Variants in ITGA3 observed in about 807,000 individuals in gnomAD.
ITGA3 encodes the protein integrin subunit alpha 3.
ITGA3 carries 70 observed loss-of-function variants against 131.1 expected under a neutral mutation model. That is an observed-to-expected ratio of 0.53 (90% confidence interval 0.44 to 0.65). The LOEUF (loss-of-function observed/expected upper bound fraction) is 0.65. Ranked by LOEUF, ITGA3 falls within the 30% of genes least tolerant of loss-of-function variation. The pLI is 0.00. For synonymous variants in ITGA3, 537 were observed against 571.6 expected (o/e 0.94, Z 0.86); for missense variants, 1,098 against 1,388.6 (o/e 0.79, Z 3.33).
chr17:50,080,461 T>TGGGG lies in ITGA3; in HGVS notation c.2820+89_2820+90insGGGG, dbSNP rs764103810. 4,058 of 573,196 alleles carry TGGGG rather than the reference T, an allele frequency of 7.1e-3. 42 individuals carry two copies. Among genetic ancestry groups the TGGGG allele is most frequent in the South Asian group, 0.026 (1,330 of 50,438 alleles). The allele number at this position is 573,196 out of a possible 1,614,324, so 35.5% of individuals were successfully genotyped here. A position where few individuals can be genotyped will look rare whatever the true frequency, so the allele number is the denominator to read the frequency against. ...AGAGGGCGAGTCCAGGGTCATAGCATGGGTGTGTGTGTGTGTGTGTGTGTG... is the reference window on the plus strand; with the variant it reads ...AGAGGGCGAGTCCAGGGTCATAGCATGGGGGGGTGTGTGTGTGTGTGTGTGTGTG... On this transcript the variant is annotated intron_variant, in intron 22 of 25. Coordinates refer to ENST00000320031, the MANE Select transcript of ITGA3 (RefSeq NM_002204.4).
intron 1 of ITGA3, among the ~76,000 whole-genome samples, chr17:50,058,779 C>T (rs1329971364): frequency 6.6e-6 from 1 of 152,176 alleles, no homozygotes; most frequent in African/African-American, 2.4e-5. Flanking sequence ...CAAACAGCTG[C>T]CTGAGTGCAC....
chr17:50,076,732 T>C (rs746994068), intron 14 of ITGA3, 51 bp downstream of exon 14: 2 of 1,417,890 alleles, frequency 1.4e-6, no homozygotes. Flanking sequence ...GGACGGGGCC[T>C]CATTAACTGG....
At chr17:50,076,793 A>G in intron 14 of ITGA3, 112 bp downstream of exon 14, 1 of 1,205,014 alleles carries the variant, frequency 8.3e-7, no homozygotes, top group Non-Finnish European at 1.2e-6. Flanking sequence ...ACAGGGCTTT[A>G]GCGGGAACAG....
rs756528458 is a variant in ITGA3 at position 50,076,428 on chromosome 17, G to A, written c.1777G>A (p.Ala593Thr). The A allele has an allele frequency of 1.2e-6, 2 of 1,611,248 alleles. No homozygotes were observed. Among genetic ancestry groups the A allele is most frequent in the African/African-American group, 1.3e-5 (1 of 74,920 alleles). The stretch of plus-strand genomic sequence containing the variant: ...CCGGCTGGGGCTGCGGTCCCTGGAC[G>A]CCTACCCGATCCTCAACCAGGCACA... ...RPRLGLRSLD[A>T]YPILNQAQAL... The change falls in exon 13 of 26, where the codon GCC becomes ACC. Residue 593 changes from alanine to threonine, a missense_variant. Physicochemically the swap from Ala to Thr is moderately conservative, Grantham distance 58. Around this residue, in one of 3 missense-constraint regions of ITGA3, gnomAD observed 699 missense variants for 829.2 expected, o/e 0.84. Coordinates refer to ENST00000320031, the MANE Select transcript of ITGA3 (RefSeq NM_002204.4).
chr17:50,079,361 A>T (rs1598193974), intron 20 of ITGA3, 74 bp from the exon 21 acceptor site: 1 of 1,552,264 alleles, frequency 6.4e-7, no homozygotes, highest in Non-Finnish European at 8.7e-7. Flanking sequence ...TGTCTCTCCT[A>T]CCCTTTCCTT....
At position 50,056,676 on chromosome 17, in the gene ITGA3, G is replaced by A. The variant is rs759211080; in HGVS notation, c.206+31G>A. On this transcript the variant is annotated intron_variant, in intron 1 of 25. Coordinates refer to ENST00000320031, the MANE Select transcript of ITGA3 (RefSeq NM_002204.4). The surrounding 1 kb of genome is among the most constrained non-coding windows in gnomAD (Gnocchi z 5.6). ...TGAAGCTGGAGGGTGTGGGGTGGGAGCGAGAGAGTGTGCGAGCGCGGGATG... is the reference window on the plus strand; with the variant it reads ...TGAAGCTGGAGGGTGTGGGGTGGGAACGAGAGAGTGTGCGAGCGCGGGATG... 2.2e-5 allele frequency: 35 copies of A among 1,573,134 alleles called. No homozygotes were observed. The highest frequency in any genetic ancestry group is 2.8e-5 in the Non-Finnish European group (32 of 1,158,538).
chr17:50,090,198 C>G lies in ITGA3; in HGVS notation c.*1120C>G. 6 of 456,130 alleles carry G rather than the reference C, an allele frequency of 1.3e-5. No homozygotes were observed. Among genetic ancestry groups the G allele is most frequent in the South Asian group, 9.3e-5 (6 of 64,532 alleles). The allele number at this position is 456,130 out of a possible 1,614,324, so 28.3% of individuals were successfully genotyped here. A position where few individuals can be genotyped will look rare whatever the true frequency, so the allele number is the denominator to read the frequency against. On this transcript the variant is annotated 3_prime_UTR_variant, in exon 26 of 26. Transcript: ENST00000320031. ...TGCCCCACCCCATCCAGCCAGACCC[C>G]ACGCTGACCATGCGTCAGGGGCCTA...
chr17:50,070,471 C>A (rs1908567818), intron 4 of ITGA3, among the ~76,000 whole-genome samples: 1 of 151,852 alleles, frequency 6.6e-6, no homozygotes, highest in Admixed American at 6.6e-5. Context: ...CATGGTGAAA[C>A]CTTGTCTCTA....
At position 50,056,316 on chromosome 17, in the gene ITGA3, A is replaced by T; in HGVS notation, c.-124A>T. The stretch of plus-strand genomic sequence containing the variant: ...TGGGGGCACGAAACCGATCAGCGCT[A>T]CGGAGCGCAGCGGCCGGCGGGTTCC... On this transcript the variant is annotated 5_prime_UTR_variant, in exon 1 of 26. Coordinates refer to ENST00000320031, the MANE Select transcript of ITGA3 (RefSeq NM_002204.4). The surrounding 1 kb of genome is among the most constrained non-coding windows in gnomAD (Gnocchi z 5.6). 1 of 621,924 alleles carries T rather than the reference A, an allele frequency of 1.6e-6. No individual in the cohort carries two copies. Among genetic ancestry groups the T allele is most frequent in the Non-Finnish European group, 2.6e-6 (1 of 388,424 alleles). 38.5% of individuals were successfully genotyped at this position (621,924 alleles called of 1,614,324 possible).
At chr17:50,063,798 C>T in intron 1 of ITGA3, 1 of 445,972 alleles carries the variant, frequency 2.2e-6, no homozygotes, top group South Asian at 2.6e-5. Flanking sequence ...GGTGATTGTC[C>T]TCAGACTCAG....
chr17:50,079,712 C>T (rs937971607), intron 21 of ITGA3, among the ~76,000 whole-genome samples, 155 bp downstream of exon 21: 1 of 152,206 alleles, frequency 6.6e-6, no homozygotes, highest in Non-Finnish European at 1.5e-5. Flanking sequence ...AGCCTCATCT[C>T]CTGCCCTCAG....
chr17:50,065,465 A>G (rs779191910), intron 3 of ITGA3: 2 of 152,248 alleles, frequency 1.3e-5, no homozygotes, highest in Non-Finnish European at 2.9e-5. Context: ...ACTGTGACCA[A>G]GAGAATGCAA....
chr17:50,088,283 C>A lies in ITGA3; in HGVS notation c.3104C>A (p.Ala1035Glu), dbSNP rs757812706. The change falls in exon 25 of 26, where the codon GCG (alanine) becomes GAG (glutamate). Residue 1035 changes from alanine to glutamate, a missense_variant. Physicochemically the swap from Ala to Glu is moderately radical, Grantham distance 107. Coordinates refer to ENST00000320031, the MANE Select transcript of ITGA3 (RefSeq NM_002204.4). Reference protein sequence around the residue: ...RALYEAKRQKAEMKSQPSETE... With the variant: ...RALYEAKRQKEEMKSQPSETE... ...CTGTATGAAGCTAAGAGGCAGAAGG[C>A]GGAGATGAAGAGCCAGCCGTCAGAG... 6.3e-7 allele frequency: 1 copy of A among 1,590,694 alleles called. No homozygotes were observed. The highest frequency in any genetic ancestry group is 2.3e-5 in the East Asian group (1 of 43,842).
At chr17:50,079,701 G>A in intron 21 of ITGA3, 144 bp downstream of exon 21, 1 of 915,108 alleles carries the variant, frequency 1.1e-6, no homozygotes, top group Non-Finnish European at 1.5e-6. Flanking sequence ...ACAGAGCAGG[G>A]AGCCTCATCT....
chr17:50,064,415 G>C lies in ITGA3; in HGVS notation c.335-113G>C, dbSNP rs957366516. The C allele has an allele frequency of 1.2e-5, 14 of 1,179,554 alleles. No homozygotes were observed. The African/African-American group carries it at 1.8e-4, about 15-fold the overall frequency. 73.1% of individuals were successfully genotyped at this position (1,179,554 alleles called of 1,614,324 possible). On this transcript the variant is annotated intron_variant, in intron 2 of 25. Transcript: ENST00000320031. This position sits in a 1 kb window ranked among gnomAD's most constrained non-coding sequence, Gnocchi z 4.4. ...ACGAGCTGGAGAAGGGGAGTTGGGAGGGCTGCCCTGTGGGTGGAGGGCCCA... is the reference window on the plus strand; with the variant it reads ...ACGAGCTGGAGAAGGGGAGTTGGGACGGCTGCCCTGTGGGTGGAGGGCCCA...
intron 4 of ITGA3, among the ~76,000 whole-genome samples, chr17:50,070,332 T>A (rs1250281870): frequency 6.6e-6 from 1 of 151,754 alleles, no homozygotes; most frequent in African/African-American, 2.4e-5. Flanking sequence ...AAAATGGGGG[T>A]CATAATTTAA....
At chr17:50,080,655 T>G (rs1417851452) in intron 22 of ITGA3, among the ~76,000 whole-genome samples, 1 of 152,088 alleles carries the variant, frequency 6.6e-6, no homozygotes, top group East Asian at 1.9e-4. Context: ...TCATTTCCCC[T>G]CTTTTATCTC....
Position 50,088,221 on chromosome 17 carries a change from G to A in ITGA3, c.3046-4G>A, listed in dbSNP as rs368305833. ...GGCCCGTCCCCACCTCCTCCCCTCC[G>A]CAGTGCGGCTTCTTCAAGCGAGCCC... On this transcript the variant is annotated splice_polypyrimidine_tract_variant and splice_region_variant and intron_variant, in intron 24 of 25. Transcript: ENST00000320031. 7.8e-5 allele frequency: 121 copies of A among 1,555,568 alleles called. No homozygotes were observed. The African/African-American group carries it at 9.9e-4, about 13-fold the overall frequency.
At position 50,081,404 on chromosome 17, in the gene ITGA3, C is replaced by T. The variant is rs557197522; in HGVS notation, c.2915C>T (p.Thr972Met). 6.4e-6 allele frequency: 10 copies of T among 1,573,686 alleles called. No individual in the cohort carries two copies. Among genetic ancestry groups the T allele is most frequent in the African/African-American group, 5.4e-5 (4 of 74,230 alleles). The change falls in exon 23 of 26, where the codon ACG becomes ATG. Residue 972 changes from threonine to methionine, a missense_variant. Thr to Met is a moderately conservative substitution (Grantham distance 81, BLOSUM62 -1). Transcript: ENST00000320031. ...ACCATCAACATGGAGAACAAGACCA[C>T]GTGGGTGAGTGCGCATGTTCACTAG... ...IPTINMENKT[T>M]WFSVDIDSEL...
Sources: allele counts gnomAD v4.1 joint callset (sites outside exome capture counted in the v4.1 genomes callset), GRCh38; gene constraint gnomAD v4.1.1; regional missense constraint gnomAD v4.1.1; non-coding constraint Gnocchi (gnomAD v3.1); transcripts MANE v1.5; gene names NCBI Gene and HGNC (gene_info 2026-07-23, HGNC 2026-07-21).